FAT3: variants seen among roughly 807,000 people sequenced by gnomAD.
FAT3 encodes protocadherin Fat 3.
In FAT3, 95 loss-of-function variants were observed where a neutral mutation model predicts 310.2. That is an observed-to-expected ratio of 0.31 (90% CI 0.26 to 0.36). FAT3 has a LOEUF of 0.36. Among genes scored for constraint, FAT3 ranks in the 10% least tolerant of loss-of-function variants. The probability of loss-of-function intolerance (pLI) is 1.00; values close to 1 mark genes in which losing one functional copy is unlikely to be tolerated. For synonymous variants in FAT3, 2,314 were observed against 2,192.9 expected, an observed-to-expected ratio of 1.06 and a Z score of -1.54; for missense variants, 5,408 against 5,715.6, an observed-to-expected ratio of 0.95 and a Z score of 1.74.
chr11:92,864,386 A>G (rs950845623), intron 21 of FAT3, among the ~76,000 whole-genome samples: 12 of 152,252 alleles, frequency 7.9e-5, no homozygotes, highest in African/African-American at 2.9e-4. Flanking sequence ...GTCACATTTG[A>G]TGATTTATTA....
intron 2 of FAT3, among the ~76,000 whole-genome samples, chr11:92,437,046 A>G (rs891286253): frequency 2.6e-4 from 39 of 152,310 alleles, no homozygotes; most frequent in African/African-American, 9.4e-4. Flanking sequence ...CCTGAGTAGT[A>G]ATAGCAATGA....
chr11:92,396,265 G>A (rs970138301), intron 2 of FAT3, among the ~76,000 whole-genome samples: 1 of 152,148 alleles, frequency 6.6e-6, no homozygotes, highest in African/African-American at 2.4e-5. Context: ...TGAGGAAACA[G>A]ACACTTGGAG....
At chr11:92,860,136 CTCTT>C (rs1373902338) in intron 21 of FAT3, among the ~76,000 whole-genome samples, 3 of 152,196 alleles carry the variant, frequency 2.0e-5, no homozygotes, top group Non-Finnish European at 4.4e-5. Context: ...GTGACAGAGA[CTCTT>C]TCTCAAAACA....
intron 3 of FAT3, among the ~76,000 whole-genome samples, chr11:92,536,820 C>T (rs185418687): frequency 3.3e-5 from 5 of 152,254 alleles, no homozygotes; most frequent in Admixed American, 6.5e-5. Flanking sequence ...AAAGGACCCT[C>T]TCTCAAACTC....
intron 3 of FAT3, among the ~76,000 whole-genome samples, chr11:92,541,371 C>A (rs189898931): frequency 6.6e-6 from 1 of 152,096 alleles, no homozygotes; most frequent in Non-Finnish European, 1.5e-5. Flanking sequence ...GATTCTTATA[C>A]CTTTCTGAAA....
chr11:92,414,121 T>C (rs765147986), intron 2 of FAT3, among the ~76,000 whole-genome samples: 2 of 152,184 alleles, frequency 1.3e-5, no homozygotes, highest in Non-Finnish European at 2.9e-5. Flanking sequence ...TTCTCTTGTT[T>C]GGCATACTGA....
chr11:92,254,997 C>G (rs1257446196), intron 1 of FAT3, among the ~76,000 whole-genome samples: 2 of 152,178 alleles, frequency 1.3e-5, no homozygotes, highest in Non-Finnish European at 2.9e-5. Context: ...TGAGCCACCT[C>G]ACCCAGCCAC....
At chr11:92,836,303 G>A (rs917229674) in intron 15 of FAT3, among the ~76,000 whole-genome samples, 1 of 152,004 alleles carries the variant, frequency 6.6e-6, no homozygotes, top group Non-Finnish European at 1.5e-5. Context: ...CAAACCCTGA[G>A]GAAAATCAGG....
In FAT3 at chr11:92,799,497, G is replaced by T. The variant is rs768752334; in HGVS notation, c.6484G>T (p.Asp2162Tyr). The T allele has an allele frequency of 6.2e-7, 1 of 1,613,554 alleles. No homozygotes were observed. The highest frequency in any genetic ancestry group is 2.2e-5 in the East Asian group (1 of 44,840). ...GTATGGAGTCACCATCCTAGCCAAG[G>T]ATGGCGGAAAACCTTCTTTGTCTAC... ...IEYGVTILAK[D>Y]GGKPSLSTSV... The change falls in exon 10 of 28, where the codon GAT becomes TAT. Residue 2162 changes from aspartate (D) to tyrosine (Y), a missense_variant. Asp to Tyr is a radical substitution (Grantham distance 160). This residue lies in a region of FAT3 where 4,588 missense variants were observed against 4,809.8 expected (regional missense o/e 0.95). Transcript: ENST00000525166.
chr11:92,441,642 AAAAAC>A (rs775105423), intron 2 of FAT3, among the ~76,000 whole-genome samples: 65 of 129,196 alleles, frequency 5.0e-4, no homozygotes, highest in Non-Finnish European at 9.0e-4. Flanking sequence ...ATTTAAAACT[AAAAAC>A]AAAACAAAAC....
rs1366036559 is a variant in FAT3, at chr11:92,562,529, G to GTA, written c.3607+37589_3607+37590dup. ...GTTCTCCAGAGAAACAGAATGAATA[G>GTA]TATATATATGAGGAGATTTATTATG... On this transcript the variant is annotated intron_variant, in intron 3 of 27. Transcript: ENST00000525166. 2.6e-5 allele frequency among the ~76,000 whole-genome samples: 4 copies of GTA among 152,272 alleles called. No homozygotes were observed. In the South Asian group the frequency reaches 8.3e-4, roughly 32 times the overall value.
chr11:92,319,668 G>C (rs1206906893), intron 1 of FAT3, among the ~76,000 whole-genome samples: 1 of 152,238 alleles, frequency 6.6e-6, no homozygotes, highest in Non-Finnish European at 1.5e-5. Flanking sequence ...GAAATATTAC[G>C]AGAATCTGCT....
chr11:92,314,215 T>G, intron 1 of FAT3: 2 of 717,964 alleles, frequency 2.8e-6, no homozygotes, highest in South Asian at 6.3e-5. Flanking sequence ...GGAATGAAGT[T>G]TTGTGGTTTT....
At chr11:92,306,342 A>G (rs1947114388) in intron 1 of FAT3, among the ~76,000 whole-genome samples, 1 of 150,682 alleles carries the variant, frequency 6.6e-6, no homozygotes, top group Non-Finnish European at 1.5e-5. Flanking sequence ...CTCTTAGTAG[A>G]GTCCATAGTG....
intron 3 of FAT3, among the ~76,000 whole-genome samples, chr11:92,558,046 G>C (rs1402071522): frequency 6.6e-6 from 1 of 152,050 alleles, no homozygotes; most frequent in African/African-American, 2.4e-5. Context: ...CTGCCCCCTG[G>C]TTTGTGAGAC....
At chr11:92,426,682 T>C (rs950559082) in intron 2 of FAT3, among the ~76,000 whole-genome samples, 5 of 152,126 alleles carry the variant, frequency 3.3e-5, no homozygotes, top group Non-Finnish European at 7.3e-5. Flanking sequence ...GATCAGATGG[T>C]TGTAGATATG....
chr11:92,605,719 G>GTTTTTTTTTTTTTTTTTTTTTTT, intron 3 of FAT3, among the ~76,000 whole-genome samples: 1 of 99,760 alleles, frequency 1.0e-5, no homozygotes, highest in Non-Finnish European at 1.8e-5. Context: ...AAATAGCTAT[G>GTTTTTTTTTTTTTTTTTTTTTTT]TTTTTTTTTT....
chr11:92,597,396 G>A (rs1939766162), intron 3 of FAT3, among the ~76,000 whole-genome samples: 1 of 152,194 alleles, frequency 6.6e-6, no homozygotes, highest in Admixed American at 6.5e-5. Context: ...CCCAGATTCA[G>A]AGAACCAATG....
chr11:92,832,128 C>T, intron 14 of FAT3, 117 bp downstream of exon 14: 1 of 1,152,836 alleles, frequency 8.7e-7, no homozygotes, highest in South Asian at 1.6e-5. Flanking sequence ...TCCAGGAGTT[C>T]AGGACTAGCC....
Sources: allele counts gnomAD v4.1 joint callset (sites outside exome capture counted in the v4.1 genomes callset), GRCh38; gene constraint gnomAD v4.1.1; regional missense constraint gnomAD v4.1.1; transcripts MANE v1.5; gene names NCBI Gene and HGNC (gene_info 2026-07-23, HGNC 2026-07-21).